TNFRSF10B: variants seen among roughly 807,000 people sequenced by gnomAD.
TNFRSF10B encodes tumor necrosis factor receptor superfamily member 10B.
Under a neutral mutation model 41.4 loss-of-function variants are expected in TNFRSF10B, and 35 were observed. That is an observed-to-expected ratio of 0.85 (90% CI 0.65 to 1.12). The LOEUF (loss-of-function observed/expected upper bound fraction) is 1.12. TNFRSF10B is among the 50% of genes most tolerant of loss of function. The pLI, the probability that TNFRSF10B is intolerant of heterozygous loss-of-function variation, is 0.00. For missense variants in TNFRSF10B, 584 were observed against 552.7 expected (o/e 1.06, Z -0.57); for synonymous variants, 230 against 215.5 (o/e 1.07, Z -0.59).
chr8:23,065,835 C>T (rs1345477674), intron 1 of TNFRSF10B, among the ~76,000 whole-genome samples: 1 of 151,694 alleles, frequency 6.6e-6, no homozygotes, highest in African/African-American at 2.4e-5. Context: ...AAAAAAAGTC[C>T]CTATGGGCAG....
intron 2 of TNFRSF10B, among the ~76,000 whole-genome samples, chr8:23,040,428 T>TATATATATACAAAATATATATTTATTAA (rs1563314160): frequency 1.2e-5 from 1 of 81,890 alleles, no homozygotes; most frequent in African/African-American, 3.4e-5. Context: ...ATTTATTAAA[T>TATATATATACAAAATATATATTTATTAA]ATATATATAC....
At position 23,064,965 on chromosome 8, in the gene TNFRSF10B, G is replaced by C. The variant is rs541275409; in HGVS notation, c.144+3786C>G. ...TACCATGACCTGGAGCCTTGGGACT[G>C]CACAGCCTCCCTCTGTCAGTCAAAT... On this transcript the variant is annotated intron_variant, in intron 1 of 8. Coordinates refer to ENST00000276431, the MANE Select transcript of TNFRSF10B (RefSeq NM_003842.5). 3.3e-5 allele frequency among the ~76,000 whole-genome samples: 5 copies of C among 152,330 alleles called. No individual in the cohort carries two copies. The East Asian group carries it at 9.6e-4, about 29-fold the overall frequency.
chr8:23,066,502 A>AAG (rs1481788841), intron 1 of TNFRSF10B, among the ~76,000 whole-genome samples: 1 of 152,208 alleles, frequency 6.6e-6, no homozygotes, highest in Non-Finnish European at 1.5e-5. Context: ...AAGAACAGAT[A>AAG]CTAAGTTAGC....
intron 1 of TNFRSF10B, among the ~76,000 whole-genome samples, chr8:23,064,670 C>T (rs1236972572): frequency 6.6e-5 from 10 of 152,210 alleles, no homozygotes; most frequent in Admixed American, 2.0e-4. Flanking sequence ...GTGATTCAGG[C>T]TCCTTGCTTT....
At chr8:23,033,115 T>G (rs1035636815) in intron 2 of TNFRSF10B, among the ~76,000 whole-genome samples, 1 of 152,150 alleles carries the variant, frequency 6.6e-6, no homozygotes, top group Non-Finnish European at 1.5e-5. Flanking sequence ...CAACCAAGAA[T>G]TTGATATCCA....
In TNFRSF10B at chr8:23,054,015, T is replaced by C. The variant is rs1288311190; in HGVS notation, c.145-10772A>G. On this transcript the variant is annotated intron_variant, in intron 1 of 8. Transcript: ENST00000276431. ...TAACAGATACCCTTGTCATCAATTG[T>C]GTCTTTAACTATGGCTACCCTAAAA... is the stretch of plus-strand genomic sequence containing the variant. Among the ~76,000 whole-genome samples, 9 of 152,234 alleles carry C rather than the reference T, an allele frequency of 5.9e-5. No individual in the cohort carries two copies. The East Asian group carries it at 1.7e-3, about 29-fold the overall frequency.
rs577960962 is a variant in TNFRSF10B, at chr8:23,022,365, A to G, written c.*306T>C. On this transcript the variant is annotated 3_prime_UTR_variant, in exon 9 of 9. Transcript: ENST00000276431. ...GCCCAAATAAATAAATAAAGCATTT[A>G]CATTAGGATAAAAAAGTGCTGTGAA... is the stretch of plus-strand genomic sequence containing the variant. The G allele has an allele frequency of 3.5e-4, 176 of 509,414 alleles. 5 individuals are homozygous for G. Among genetic ancestry groups the G allele is most frequent in the South Asian group, 2.7e-3 (173 of 64,972 alleles). The allele number at this position is 509,414 out of a possible 1,614,324, so 31.6% of individuals were successfully genotyped here. A position where few individuals can be genotyped will look rare whatever the true frequency, so the allele number is the denominator to read the frequency against.
rs1262893819 is a variant in TNFRSF10B, at chr8:23,068,819, G to A, written c.76C>T (p.Arg26Trp). The change falls in exon 1 of 9, where the codon CGG becomes TGG. Residue 26 changes from arginine (R) to tryptophan (W), a missense_variant. By Grantham distance (101) the Arg-to-Trp change is moderately radical (BLOSUM62 -3). Coordinates refer to ENST00000276431, the MANE Select transcript of TNFRSF10B (RefSeq NM_003842.5). ...KRHGPGPREA[R>W]GARPGPRVPK... ...ACCCGGGGCCCAGGCCTGGCTCCCC[G>A]CGCCTCCCTGGGTCCTGGGCCGTGC... 2 of 1,612,306 alleles carry A rather than the reference G, an allele frequency of 1.2e-6. No individual in the cohort carries two copies. Among genetic ancestry groups the A allele is most frequent in the Non-Finnish European group, 1.7e-6 (2 of 1,179,598 alleles).
chr8:23,020,324 G>A lies in TNFRSF10B; in HGVS notation c.*2347C>T, dbSNP rs1353622602. On this transcript the variant is annotated 3_prime_UTR_variant, in exon 9 of 9. Coordinates refer to ENST00000276431, the MANE Select transcript of TNFRSF10B (RefSeq NM_003842.5). ...GCTGTCCTGTGTCACATGCTATTTG[G>A]CCTGGGGATATAGCAAAGCCTAATG... The A allele has an allele frequency of 6.6e-6, 3 of 453,928 alleles. No individual in the cohort carries two copies. Among genetic ancestry groups the A allele is most frequent in the African/African-American group, 6.0e-5 (3 of 49,970 alleles). 28.1% of individuals were successfully genotyped at this position (453,928 alleles called of 1,614,324 possible). A position where few individuals can be genotyped will look rare whatever the true frequency, so the allele number is the denominator to read the frequency against.
chr8:23,043,979 T>C (rs960412087), intron 1 of TNFRSF10B, among the ~76,000 whole-genome samples: 1 of 152,236 alleles, frequency 6.6e-6, no homozygotes, highest in African/African-American at 2.4e-5. Context: ...CCATCACATA[T>C]GCAGTCTGTT....
Position 23,020,969 on chromosome 8 carries a change from C to A in TNFRSF10B, c.*1702G>T, listed in dbSNP as rs1040434105. 4 of 454,018 alleles carry A rather than the reference C, an allele frequency of 8.8e-6. No individual in the cohort carries two copies. The highest frequency in any genetic ancestry group is 1.3e-5 in the Non-Finnish European group (3 of 226,808). The allele number at this position is 454,018 out of a possible 1,614,324, so 28.1% of individuals were successfully genotyped here. A position where few individuals can be genotyped will look rare whatever the true frequency, so the allele number is the denominator to read the frequency against. ...TGCAAAGACCAGAAAGGTCACCCCC[C>A]ACTCCTAAAACTCCACAGACACAAC... On this transcript the variant is annotated 3_prime_UTR_variant, in exon 9 of 9. Transcript: ENST00000276431.
intron 1 of TNFRSF10B, among the ~76,000 whole-genome samples, chr8:23,066,483 G>C (rs553625694): frequency 1.1e-4 from 17 of 151,770 alleles, no homozygotes; most frequent in Non-Finnish European, 2.4e-4. Flanking sequence ...AAAATGATGG[G>C]GGAAAAAAAA....
At chr8:23,033,411 C>T (rs1585210782) in intron 2 of TNFRSF10B, among the ~76,000 whole-genome samples, 1 of 151,476 alleles carries the variant, frequency 6.6e-6, no homozygotes, top group African/African-American at 2.4e-5. Flanking sequence ...GGTGAAACCC[C>T]GTCTCTACTA....
In TNFRSF10B at chr8:23,049,158, C is replaced by A. The variant is rs201155683; in HGVS notation, c.145-5915G>T. 1.2e-4 allele frequency among the ~76,000 whole-genome samples: 18 copies of A among 152,164 alleles called. No individual in the cohort carries two copies. In the East Asian group the frequency reaches 3.5e-3, roughly 29 times the overall value. On this transcript the variant is annotated intron_variant, in intron 1 of 8. Transcript: ENST00000276431. ...CTGGGAAAAACAGTATCGTGGCAGGCCAGGTTTCACTCAGCCCTCCATCAC... is the reference window on the plus strand; with the variant it reads ...CTGGGAAAAACAGTATCGTGGCAGGACAGGTTTCACTCAGCCCTCCATCAC...
chr8:23,068,498 T>C (rs41308112), intron 1 of TNFRSF10B: 89,057 of 571,040 alleles, frequency 0.16, 7,650 homozygotes, highest in Non-Finnish European at 0.18. Context: ...TCCCTCCTTG[T>C]CGCCCTCCCC....
intron 1 of TNFRSF10B, among the ~76,000 whole-genome samples, chr8:23,055,521 T>TAAAAAAAAA (rs34761330): frequency 0.078 from 9,184 of 118,280 alleles, 482 homozygotes; most frequent in Non-Finnish European, 0.12. Context: ...ATTAAATGCT[T>TAAAAAAAAA]AAAAAAAAAA....
rs974585735 is a variant in TNFRSF10B at position 23,022,481 on chromosome 8, TA to T, written c.*189del. 2.8e-5 allele frequency: 20 copies of T among 704,812 alleles called. No homozygotes were observed. The highest frequency in any genetic ancestry group is 1.9e-4 in the African/African-American group (11 of 57,380). 43.7% of individuals were successfully genotyped at this position (704,812 alleles called of 1,614,324 possible). On this transcript the variant is annotated 3_prime_UTR_variant, in exon 9 of 9. Coordinates refer to ENST00000276431, the MANE Select transcript of TNFRSF10B (RefSeq NM_003842.5). ...TGTCCTTATTATCACATTCAGCTTA[TA>T]AAAATAATGCCAAGTGCAGTGAAAA...
intron 1 of TNFRSF10B, among the ~76,000 whole-genome samples, chr8:23,061,447 C>T (rs1396733790): frequency 1.3e-5 from 2 of 152,026 alleles, no homozygotes; most frequent in African/African-American, 4.8e-5. Context: ...TTTGTGAAAT[C>T]TTTTGGATTT....
rs7825979 is a variant in TNFRSF10B, at chr8:23,033,898, C to G, written c.251-3026G>C. On this transcript the variant is annotated intron_variant, in intron 2 of 8. Transcript: ENST00000276431. Reference sequence around the variant, plus strand: ...AATCCCATCATGAGGGCCCCACCCTCATGACCTCATCTAAACCCAATTACT... The same window carrying G: ...AATCCCATCATGAGGGCCCCACCCTGATGACCTCATCTAAACCCAATTACT... Among the ~76,000 whole-genome samples, 1,305 of 152,208 alleles carry G rather than the reference C, an allele frequency of 8.6e-3. 18 individuals are homozygous for G. The highest frequency in any genetic ancestry group is 0.029 in the African/African-American group (1,225 of 41,530).
Sources: allele counts gnomAD v4.1 joint callset (sites outside exome capture counted in the v4.1 genomes callset), GRCh38; gene constraint gnomAD v4.1.1; transcripts MANE v1.5; gene names NCBI Gene and HGNC (gene_info 2026-07-23, HGNC 2026-07-21).